Variants in TCF4 observed in about 807,000 individuals in gnomAD.
The protein encoded by TCF4 is transcription factor 4.
In TCF4, 3 loss-of-function variants were observed where a neutral mutation model predicts 82.1. The observed-to-expected ratio is 0.04, with a 90% CI of 0.02 to 0.09. The LOEUF (loss-of-function observed/expected upper bound fraction) is 0.09. Ranked by LOEUF, TCF4 falls within the 10% of genes least tolerant of loss-of-function variation. TCF4 has a pLI of 1.00. For missense variants in TCF4, 518 were observed against 852.7 expected, an observed-to-expected ratio of 0.61 and a Z score of 4.89; for synonymous variants, 276 against 309.6, an observed-to-expected ratio of 0.89 and a Z score of 1.14.
intron 5 of TCF4, among the ~76,000 whole-genome samples, chr18:55,435,339 T>C (rs2095306555): frequency 6.6e-6 from 1 of 152,242 alleles, no homozygotes. Flanking sequence ...TAAATAGTCT[T>C]AGATTTGGCT....
intron 5 of TCF4, among the ~76,000 whole-genome samples, chr18:55,451,120 C>A (rs2095614781): frequency 6.6e-6 from 1 of 152,192 alleles, no homozygotes; most frequent in Non-Finnish European, 1.5e-5. Context: ...TCTATACTAC[C>A]TCCACCTGCT....
At chr18:55,507,320 G>A (rs1272860152) in intron 3 of TCF4, among the ~76,000 whole-genome samples, 1 of 152,214 alleles carries the variant, frequency 6.6e-6, no homozygotes, top group East Asian at 1.9e-4. Context: ...CATAGTAACA[G>A]TCAATCTGAA....
chr18:55,290,088 C>T (rs777197952), intron 8 of TCF4, among the ~76,000 whole-genome samples: 9 of 152,160 alleles, frequency 5.9e-5, no homozygotes, highest in South Asian at 4.1e-4. Context: ...TATTTTAGTG[C>T]ATTCCACTTC....
intron 3 of TCF4, among the ~76,000 whole-genome samples, chr18:55,481,824 C>T (rs1053271745): frequency 1.3e-5 from 2 of 152,196 alleles, no homozygotes; most frequent in African/African-American, 4.8e-5. Flanking sequence ...TAGACTTATG[C>T]CTAATGACTG....
At chr18:55,338,938 G>T (rs1046608543) in intron 8 of TCF4, among the ~76,000 whole-genome samples, 5 of 152,166 alleles carry the variant, frequency 3.3e-5, no homozygotes, top group African/African-American at 1.2e-4. Flanking sequence ...GTTGTGACCA[G>T]AACTGAACAT....
chr18:55,389,498 A>G (rs2092898817), intron 6 of TCF4, among the ~76,000 whole-genome samples: 1 of 152,212 alleles, frequency 6.6e-6, no homozygotes, highest in Admixed American at 6.5e-5. Context: ...AATCTTGAAC[A>G]AAGCAGGTGA....
intron 3 of TCF4, among the ~76,000 whole-genome samples, chr18:55,477,195 A>T (rs184961359): frequency 6.6e-6 from 1 of 152,318 alleles, no homozygotes; most frequent in East Asian, 1.9e-4. Flanking sequence ...AAAATGCAAT[A>T]TCTGGGATCA....
intron 6 of TCF4, among the ~76,000 whole-genome samples, chr18:55,365,183 ATATATATATGTGTG>A (rs1255445642): frequency 3.7e-5 from 4 of 106,856 alleles, no homozygotes; most frequent in African/African-American, 1.5e-4. Context: ...ATATATATAT[ATATATATATGTGTG>A]TGTGTGTGTG....
intron 3 of TCF4, among the ~76,000 whole-genome samples, chr18:55,530,865 T>C (rs911452603): frequency 2.0e-5 from 3 of 152,226 alleles, no homozygotes; most frequent in Non-Finnish European, 4.4e-5. Context: ...ACCACTAGAC[T>C]GCAAATGACA....
intron 8 of TCF4, among the ~76,000 whole-genome samples, chr18:55,309,412 G>A (rs1458041491): frequency 6.6e-6 from 1 of 151,990 alleles, no homozygotes; most frequent in African/African-American, 2.4e-5. Context: ...ATAAGCCACT[G>A]TGCCTGGCCT....
At position 55,576,085 on chromosome 18, in the gene TCF4, G is replaced by C. The variant is rs1315704150; in HGVS notation, c.145+9195C>G. 2.0e-5 allele frequency among the ~76,000 whole-genome samples: 3 copies of C among 152,094 alleles called. No homozygotes were observed. The East Asian group carries it at 5.8e-4, about 29-fold the overall frequency. On this transcript the variant is annotated intron_variant, in intron 3 of 19. Coordinates refer to ENST00000354452, the MANE Select transcript of TCF4 (RefSeq NM_001083962.2). ...AGCAGTATTCCTTTTTAAAAAATGT[G>C]AAAACCCCTCTTGAATTGTACTGGT...
chr18:55,328,119 T>C (rs1037240706), intron 8 of TCF4, among the ~76,000 whole-genome samples: 18 of 152,172 alleles, frequency 1.2e-4, no homozygotes, highest in Admixed American at 2.0e-4. Context: ...TATAGATTTT[T>C]AGGTTTAATT....
At chr18:55,420,997 A>G (rs1023638975) in intron 5 of TCF4, among the ~76,000 whole-genome samples, 3 of 152,148 alleles carry the variant, frequency 2.0e-5, no homozygotes, top group Non-Finnish European at 4.4e-5. Context: ...AAATGTCAGA[A>G]TTAACCTATC....
chr18:55,235,628 T>C (rs1305895643), intron 15 of TCF4, among the ~76,000 whole-genome samples: 1 of 152,200 alleles, frequency 6.6e-6, no homozygotes, highest in Non-Finnish European at 1.5e-5. Flanking sequence ...GCCTACTTCA[T>C]AGCACATGCC....
chr18:55,598,645 T>G (rs1238569456), intron 2 of TCF4, among the ~76,000 whole-genome samples: 4 of 152,308 alleles, frequency 2.6e-5, no homozygotes, highest in South Asian at 2.1e-4. Context: ...GCTTATGAGA[T>G]TCTGAAATAG....
intron 15 of TCF4, among the ~76,000 whole-genome samples, chr18:55,241,943 C>T (rs1474358715): frequency 6.6e-6 from 1 of 152,180 alleles, no homozygotes; most frequent in African/African-American, 2.4e-5. Flanking sequence ...ACTCCCAGGA[C>T]CAATGCAGTT....
At position 55,259,919 on chromosome 18, in the gene TCF4, T is replaced by C. The variant is rs143555588; in HGVS notation, c.1069+30A>G. On this transcript the variant is annotated intron_variant, in intron 13 of 19. Transcript: ENST00000354452. ...GGGGAATCATTCTTATAAACTGTTATATGATGAAATGGGATTTGAAATACA... is the reference window on the plus strand; with the variant it reads ...GGGGAATCATTCTTATAAACTGTTACATGATGAAATGGGATTTGAAATACA... The C allele has an allele frequency of 4.6e-3, 7,246 of 1,564,886 alleles. 28 individuals are homozygous for C. Among genetic ancestry groups the C allele is most frequent in the Non-Finnish European group, 5.6e-3 (6,412 of 1,135,548 alleles).
intron 8 of TCF4, among the ~76,000 whole-genome samples, chr18:55,343,003 G>C (rs752361304): frequency 1.8e-4 from 27 of 152,088 alleles, no homozygotes; most frequent in Non-Finnish European, 3.5e-4. Flanking sequence ...GGGCCATGGA[G>C]GGAGGAGGCT....
intron 1 of TCF4, among the ~76,000 whole-genome samples, chr18:55,632,018 C>G (rs973567844): frequency 6.6e-6 from 1 of 151,992 alleles, no homozygotes; most frequent in Non-Finnish European, 1.5e-5. Flanking sequence ...ATTAACAGTT[C>G]TTTTTGTTGT....
Sources: gnomAD v4.1 joint callset for allele counts (sites outside exome capture counted in the v4.1 genomes callset) on GRCh38, gnomAD v4.1.1 for gene constraint, MANE v1.5 for transcripts, NCBI Gene and HGNC (gene_info 2026-07-23, HGNC 2026-07-21) for gene names.